Variants in EPB41L4A observed in about 807,000 individuals in gnomAD.
EPB41L4A encodes band 4.1-like protein 4A.
In EPB41L4A, 100 loss-of-function variants were observed where a neutral mutation model predicts 108.6. The observed-to-expected ratio is 0.92, with a 90% CI of 0.78 to 1.09. EPB41L4A has a LOEUF of 1.09. Among genes scored for constraint, EPB41L4A ranks in the 50% least tolerant of loss-of-function variants. The pLI, the probability that EPB41L4A is intolerant of heterozygous loss-of-function variation, is 0.00. For missense variants in EPB41L4A, 1,030 were observed against 842.7 expected (o/e 1.22, Z -2.75); for synonymous variants, 319 against 289.0 (o/e 1.10, Z -1.05).
chr5:112,311,616 C>T (rs922760184), intron 1 of EPB41L4A, among the ~76,000 whole-genome samples: 1 of 152,154 alleles, frequency 6.6e-6, no homozygotes, highest in African/African-American at 2.4e-5. Context: ...TTCCCATTTG[C>T]CTTTCAGGAA....
intron 4 of EPB41L4A, among the ~76,000 whole-genome samples, chr5:112,272,724 T>C (rs1180853345): frequency 7.6e-6 from 1 of 131,794 alleles, no homozygotes; most frequent in East Asian, 2.2e-4. Context: ...AAGGTTGCAG[T>C]GAGCTGAGAT....
intron 1 of EPB41L4A, among the ~76,000 whole-genome samples, chr5:112,348,798 T>G (rs6893877): frequency 0.21 from 31,372 of 152,114 alleles, 3,487 homozygotes; most frequent in Non-Finnish European, 0.23. Flanking sequence ...AACAAGCTAT[T>G]TATTTATTCC....
chr5:112,352,922 A>G (rs998065376), intron 1 of EPB41L4A, among the ~76,000 whole-genome samples: 1 of 152,174 alleles, frequency 6.6e-6, no homozygotes, highest in Non-Finnish European at 1.5e-5. Context: ...TGACATCTGC[A>G]CACCTACAGT....
At position 112,297,694 on chromosome 5, in the gene EPB41L4A, T is replaced by C. The variant is rs540795674; in HGVS notation, c.204+9692A>G. ...GCATTTGCTTTTGGGTTCTTGGTCATGAAATCTTTGCCTAAGCCAATGTCT... is the reference window on the plus strand; with the variant it reads ...GCATTTGCTTTTGGGTTCTTGGTCACGAAATCTTTGCCTAAGCCAATGTCT... On this transcript the variant is annotated intron_variant, in intron 2 of 22. Transcript: ENST00000261486. Among the ~76,000 whole-genome samples the C allele has an allele frequency of 4.6e-5, 7 of 152,346 alleles. No homozygotes were observed. In the South Asian group the frequency reaches 1.2e-3, roughly 27 times the overall value.
rs574172657 is a variant in EPB41L4A at position 112,255,132 on chromosome 5, T to C, written c.795+4097A>G. 4.6e-5 allele frequency among the ~76,000 whole-genome samples: 7 copies of C among 152,170 alleles called. No homozygotes were observed. The East Asian group carries it at 1.2e-3, about 25-fold the overall frequency. On this transcript the variant is annotated intron_variant, in intron 9 of 22. Coordinates refer to ENST00000261486, the MANE Select transcript of EPB41L4A (RefSeq NM_022140.5). ...TCAGTTGATGAAATTCTGCAGTCTT[T>C]CACGGTGGGTGTCATCCTGAAAGTC...
intron 1 of EPB41L4A, among the ~76,000 whole-genome samples, chr5:112,342,612 G>T (rs530299151): frequency 6.6e-6 from 1 of 152,190 alleles, no homozygotes; most frequent in South Asian, 2.1e-4. Flanking sequence ...GTTCCTAGTC[G>T]AGCAAGAGCA....
intron 18 of EPB41L4A, among the ~76,000 whole-genome samples, chr5:112,178,354 A>G (rs1199124354): frequency 1.3e-5 from 2 of 152,140 alleles, no homozygotes; most frequent in African/African-American, 4.8e-5. Flanking sequence ...ATTGACAATC[A>G]CTGTTGTAGA....
intron 12 of EPB41L4A, among the ~76,000 whole-genome samples, chr5:112,232,871 A>C (rs568340387): frequency 3.3e-5 from 5 of 152,334 alleles, no homozygotes; most frequent in African/African-American, 1.2e-4. Context: ...GGCTCAAACA[A>C]GATAATATCT....
exon 14 of EPB41L4A, chr5:112,143,605 G>C (rs906166098): frequency 9.6e-5 from 18 of 188,446 alleles, no homozygotes; most frequent in Non-Finnish European, 1.6e-4. Context: ...GTCTCTCTTT[G>C]TGTTGGCCTC....
At chr5:112,352,830 AG>A (rs1758130417) in intron 1 of EPB41L4A, among the ~76,000 whole-genome samples, 1 of 152,188 alleles carries the variant, frequency 6.6e-6, no homozygotes, top group South Asian at 2.1e-4. Context: ...AGATTTTCAT[AG>A]GAATCTGTTG....
chr5:112,340,111 C>A (rs1418518603), intron 1 of EPB41L4A, among the ~76,000 whole-genome samples: 1 of 152,178 alleles, frequency 6.6e-6, no homozygotes, highest in Non-Finnish European at 1.5e-5. Flanking sequence ...AGCCCATCGA[C>A]CCCGCCCTTT....
chr5:112,223,721 T>C (rs1243235410), intron 12 of EPB41L4A, among the ~76,000 whole-genome samples: 3 of 152,190 alleles, frequency 2.0e-5, no homozygotes, highest in Non-Finnish European at 4.4e-5. Flanking sequence ...AAGGTTGTGT[T>C]CACACACAAC....
chr5:112,293,689 C>T (rs1390177216), intron 2 of EPB41L4A, among the ~76,000 whole-genome samples: 4 of 152,248 alleles, frequency 2.6e-5, no homozygotes, highest in East Asian at 1.9e-4. Flanking sequence ...CTGCTTTTCC[C>T]GATGCCGCAG....
chr5:112,346,544 G>T (rs181807612), intron 1 of EPB41L4A, among the ~76,000 whole-genome samples: 1 of 152,084 alleles, frequency 6.6e-6, no homozygotes, highest in East Asian at 1.9e-4. Flanking sequence ...CCTAACAAAA[G>T]AAACCAAAAG....
At chr5:112,364,151 C>T (rs406359) in intron 1 of EPB41L4A, among the ~76,000 whole-genome samples, 99,567 of 151,962 alleles carry the variant, frequency 0.66, 32,912 homozygotes, top group South Asian at 0.82. Context: ...CTCAGCCTCC[C>T]GAGTAGCTGG....
intron 9 of EPB41L4A, chr5:112,249,182 G>A (rs1441687186): frequency 6.6e-6 from 1 of 152,156 alleles, no homozygotes; most frequent in Non-Finnish European, 1.5e-5. Context: ...GTGGGGAAGA[G>A]GCTAAAAAGA....
At chr5:112,385,738 T>C (rs1045524771) in intron 1 of EPB41L4A, among the ~76,000 whole-genome samples, 2 of 152,138 alleles carry the variant, frequency 1.3e-5, no homozygotes, top group African/African-American at 4.8e-5. Flanking sequence ...ATTGGTCATA[T>C]CCAACCTCCC....
intron 11 of EPB41L4A, among the ~76,000 whole-genome samples, chr5:112,237,676 G>C (rs1009580233): frequency 1.3e-5 from 2 of 152,222 alleles, no homozygotes; most frequent in African/African-American, 4.8e-5. Context: ...TCAAGAAAGG[G>C]GCAGGCATAT....
intron 3 of EPB41L4A, among the ~76,000 whole-genome samples, chr5:112,276,113 T>A (rs531914544): frequency 1.3e-5 from 2 of 152,030 alleles, no homozygotes; most frequent in African/African-American, 2.4e-5. Flanking sequence ...AACTCTTACC[T>A]TTTTTTACAG....
Sources: gnomAD v4.1 joint callset for allele counts (sites outside exome capture counted in the v4.1 genomes callset) on GRCh38, gnomAD v4.1.1 for gene constraint, MANE v1.5 for transcripts, NCBI Gene and HGNC (gene_info 2026-07-23, HGNC 2026-07-21) for gene names.